Variants in TFEB observed in about 807,000 individuals in gnomAD.
TFEB encodes T-cell transcription factor EB.
In TFEB, 12 loss-of-function variants were observed where a neutral mutation model predicts 48.0. The observed-to-expected ratio is 0.25, with a 90% CI of 0.16 to 0.40. TFEB has a LOEUF of 0.40. TFEB is among the 10% of genes least tolerant of loss of function. The probability of loss-of-function intolerance (pLI) is 1.00; values close to 1 mark genes in which losing one functional copy is unlikely to be tolerated. For missense variants in TFEB, 509 were observed against 640.3 expected, an observed-to-expected ratio of 0.79 and a Z score of 2.21; for synonymous variants, 244 against 261.4, an observed-to-expected ratio of 0.93 and a Z score of 0.64.
rs915658072 is a variant in TFEB, at chr6:41,709,806, A to T, written c.-22-18571T>A. 2.6e-5 allele frequency among the ~76,000 whole-genome samples: 4 copies of T among 152,086 alleles called. No individual in the cohort carries two copies. The East Asian group carries it at 7.7e-4, about 29-fold the overall frequency. On this transcript the variant is annotated intron_variant, in intron 1 of 8. Coordinates refer to ENST00000373033, the MANE Select transcript of TFEB (RefSeq NM_001271944.2). ...AATTTATTTTTTATTTTTATTTTTG[A>T]GACAGGGTCTCACTCTGTCATCCAG...
chr6:41,695,357 A>G (rs1197275888), intron 1 of TFEB, among the ~76,000 whole-genome samples: 1 of 152,236 alleles, frequency 6.6e-6, no homozygotes, highest in African/African-American at 2.4e-5. Context: ...ATGAAATGGT[A>G]TATGTGTAGA....
chr6:41,702,799 T>G (rs1033178766), intron 1 of TFEB, among the ~76,000 whole-genome samples: 2 of 152,026 alleles, frequency 1.3e-5, no homozygotes, highest in East Asian at 3.9e-4. Context: ...AAGGCCAGAG[T>G]GGGACTGGAA....
chr6:41,733,599 A>G, intron 1 of TFEB: 1 of 985,280 alleles, frequency 1.0e-6, no homozygotes, highest in Non-Finnish European at 1.2e-6. Flanking sequence ...GCAGACGGAG[A>G]GAAGGGAGCC....
At chr6:41,733,750 T>C in intron 1 of TFEB, 1 of 985,212 alleles carries the variant, frequency 1.0e-6, no homozygotes, top group Non-Finnish European at 1.2e-6. Flanking sequence ...GAACTATTGC[T>C]GGCTGTCCCT....
intron 1 of TFEB, chr6:41,735,082 G>A (rs1305559652): frequency 3.0e-6 from 3 of 984,952 alleles, no homozygotes; most frequent in South Asian, 4.7e-5. Flanking sequence ...GTTACATAAG[G>A]TCGCGGAGAA....
intron 1 of TFEB, among the ~76,000 whole-genome samples, chr6:41,714,309 C>G (rs565962417): frequency 1.1e-3 from 163 of 152,320 alleles, no homozygotes; most frequent in African/African-American, 3.6e-3. Flanking sequence ...CGGTGAGAAC[C>G]AAAGGGCCTT....
At position 41,691,494 on chromosome 6, in the gene TFEB, C is replaced by CT. The variant is rs1332740103; in HGVS notation, c.-22-260dup. The CT allele has an allele frequency of 8.9e-6, 6 of 670,838 alleles. No individual in the cohort carries two copies. Among genetic ancestry groups the CT allele is most frequent in the Admixed American group, 6.5e-5 (3 of 46,148 alleles). 41.6% of individuals were successfully genotyped at this position (670,838 alleles called of 1,614,324 possible). A position where few individuals can be genotyped will look rare whatever the true frequency, so the allele number is the denominator to read the frequency against. On this transcript the variant is annotated intron_variant, in intron 1 of 8. Transcript: ENST00000373033. This position sits in a 1 kb window ranked among gnomAD's most constrained non-coding sequence, Gnocchi z 5.2. ...CATTGCAGTTGGTAAATCCCAAACT[C>CT]TAAGAGTCAACTTCCACTCCTCTCT... is the stretch of plus-strand genomic sequence containing the variant.
Position 41,690,758 on chromosome 6 carries a change from C to T in TFEB, c.373G>A (p.Val125Met), listed in dbSNP as rs1769261021. ...PKPPPAASPG[V>M]RAGHVLSSSA... ...GAGGACAGCACGTGTCCAGCTCGCA[C>T]CCCTGGGGAGGCGGCTGGTGGGGGT... The change falls in exon 3 of 9, where the codon GTG becomes ATG. Residue 125 changes from valine to methionine, a missense_variant. Transcript: ENST00000373033. The T allele has an allele frequency of 6.2e-7, 1 of 1,609,672 alleles. No homozygotes were observed. Among genetic ancestry groups the T allele is most frequent in the Non-Finnish European group, 8.5e-7 (1 of 1,177,492 alleles).
chr6:41,726,386 T>A (rs535129027), intron 1 of TFEB, among the ~76,000 whole-genome samples: 11 of 152,302 alleles, frequency 7.2e-5, no homozygotes, highest in Non-Finnish European at 1.6e-4. Flanking sequence ...CATGAGTTGA[T>A]TTTGGCGTAC....
rs1488252793 is a variant in TFEB at position 41,685,055 on chromosome 6, C to T, written c.975G>A (p.Val325=). ...RIQELEMQAR[V]HGLPTTSPSG... ...ACGGGGAGGTGGTAGGGAGGCCGTG[C>T]ACTCGAGCCTGCATCTCCAGCTCCT... Residue 325 remains valine (V), a synonymous_variant, in exon 9 of 9, where the codon GTG becomes GTA. Transcript: ENST00000373033. 1.4e-6 allele frequency: 2 copies of T among 1,460,372 alleles called. No homozygotes were observed. The highest frequency in any genetic ancestry group is 1.5e-5 in the South Asian group (1 of 68,286). The allele number at this position is 1,460,372 out of a possible 1,614,324, so 90.5% of individuals were successfully genotyped here.
chr6:41,688,055 C>T, intron 4 of TFEB, 27 bp from the exon 5 acceptor site: 1 of 1,595,404 alleles, frequency 6.3e-7, no homozygotes, highest in Non-Finnish European at 8.6e-7. Context: ...GAGGGAGACC[C>T]ATGAGTATCC....
chr6:41,684,883 G>T lies in TFEB; in HGVS notation c.1147C>A (p.Leu383Met), dbSNP rs958777837. The change falls in exon 9 of 9, where the codon CTG becomes ATG. Residue 383 changes from leucine (L) to methionine (M), a missense_variant. Coordinates refer to ENST00000373033, the MANE Select transcript of TFEB (RefSeq NM_001271944.2). ...PALPPQAPLP[L>M]PTQPPSPFHH... Reference sequence around the variant, plus strand: ...AATGGGGATGGTGGCTGGGTGGGCAGGGGCAGCGGGGCTTGCGGGGGCAGA... The same window carrying T: ...AATGGGGATGGTGGCTGGGTGGGCATGGGCAGCGGGGCTTGCGGGGGCAGA... The T allele has an allele frequency of 6.4e-7, 1 of 1,568,338 alleles. No homozygotes were observed.
At chr6:41,718,890 C>A (rs1181295719) in intron 1 of TFEB, among the ~76,000 whole-genome samples, 1 of 152,198 alleles carries the variant, frequency 6.6e-6, no homozygotes, top group African/African-American at 2.4e-5. Context: ...CCTGACAGCT[C>A]TGGAGATTCA....
intron 1 of TFEB, among the ~76,000 whole-genome samples, chr6:41,713,320 G>A (rs1770568612): frequency 6.6e-6 from 1 of 152,174 alleles, no homozygotes; most frequent in South Asian, 2.1e-4. Flanking sequence ...GGTGGAGCTT[G>A]TCCTCTCCTG....
rs1404986183 is a variant in TFEB, at chr6:41,734,188, T to A, written c.-23+1162A>T. 4.5e-6 allele frequency: 1 copy of A among 223,798 alleles called. No homozygotes were observed. 13.9% of individuals were successfully genotyped at this position (223,798 alleles called of 1,614,324 possible). On this transcript the variant is annotated intron_variant, in intron 1 of 8. Coordinates refer to ENST00000373033, the MANE Select transcript of TFEB (RefSeq NM_001271944.2). This position sits in a 1 kb window ranked among gnomAD's most constrained non-coding sequence, Gnocchi z 4.0. ...AACAGACAGGCGAGAGAACGACGGC[T>A]GGAGCTGAGGGGGGTTCGGGGGAAG...
intron 1 of TFEB, among the ~76,000 whole-genome samples, chr6:41,713,474 G>A (rs902907148): frequency 6.6e-6 from 1 of 152,158 alleles, no homozygotes; most frequent in Admixed American, 6.5e-5. Flanking sequence ...GATCCCCTCC[G>A]GTCCCTACGC....
At chr6:41,693,350 A>C (rs773671044) in intron 1 of TFEB, among the ~76,000 whole-genome samples, 3 of 152,226 alleles carry the variant, frequency 2.0e-5, no homozygotes, top group Non-Finnish European at 4.4e-5. Context: ...TTCACCTGGA[A>C]GAGCCCTATG....
intron 1 of TFEB, among the ~76,000 whole-genome samples, chr6:41,701,840 G>A (rs1347962399): frequency 6.6e-6 from 1 of 151,896 alleles, no homozygotes; most frequent in Admixed American, 6.6e-5. Flanking sequence ...AGCTACTTGG[G>A]AGGCTGAGGC....
At chr6:41,709,448 T>C (rs952380639) in intron 1 of TFEB, among the ~76,000 whole-genome samples, 3 of 152,188 alleles carry the variant, frequency 2.0e-5, no homozygotes, top group African/African-American at 7.2e-5. Flanking sequence ...GATGGATGCA[T>C]GTATATAATG....
Sources: allele counts gnomAD v4.1 joint callset (sites outside exome capture counted in the v4.1 genomes callset), GRCh38; gene constraint gnomAD v4.1.1; non-coding constraint Gnocchi (gnomAD v3.1); transcripts MANE v1.5; gene names NCBI Gene and HGNC (gene_info 2026-07-23, HGNC 2026-07-21).